Variants in NTN1 observed in about 807,000 individuals in gnomAD.
The protein encoded by NTN1 is netrin-1.
Under a neutral mutation model 54.2 loss-of-function variants are expected in NTN1, and 11 were observed. The observed-to-expected ratio is 0.20, with a 90% confidence interval of 0.13 to 0.34. NTN1 has a LOEUF of 0.34. Among genes scored for constraint, NTN1 ranks in the 10% least tolerant of loss-of-function variants. The probability of loss-of-function intolerance (pLI) is 1.00; values close to 1 mark genes in which losing one functional copy is unlikely to be tolerated. For synonymous variants in NTN1, 371 were observed against 382.0 expected (o/e 0.97, Z 0.33); for missense variants, 740 against 893.1 (o/e 0.83, Z 2.18).
intron 2 of NTN1, among the ~76,000 whole-genome samples, chr17:9,115,708 T>TC (rs906072952): frequency 5.9e-5 from 9 of 152,166 alleles, no homozygotes; most frequent in African/African-American, 2.2e-4. Flanking sequence ...CTCTGACATT[T>TC]CCCGGGGCCG....
chr17:9,005,636 G>C, the NTN1 span, among the ~76,000 whole-genome samples: 1 of 152,160 alleles, frequency 6.6e-6, no homozygotes, highest in Non-Finnish European at 1.5e-5. Context: ...CAGGACCATG[G>C]GCTTTGCTTG....
intron 2 of NTN1, among the ~76,000 whole-genome samples, chr17:9,045,227 CTG>C (rs2091938109): frequency 6.6e-6 from 1 of 152,236 alleles, no homozygotes; most frequent in Non-Finnish European, 1.5e-5. Flanking sequence ...TCACTCCCGT[CTG>C]TACATGAGCA....
chr17:9,213,565 G>A (rs1055656062), intron 5 of NTN1, among the ~76,000 whole-genome samples: 2 of 152,172 alleles, frequency 1.3e-5, no homozygotes, highest in Non-Finnish European at 2.9e-5. Flanking sequence ...CTGATCAATT[G>A]GCCCATATAG....
At chr17:9,227,708 A>ACG (rs1168872812) in intron 6 of NTN1, among the ~76,000 whole-genome samples, 2 of 149,102 alleles carry the variant, frequency 1.3e-5, no homozygotes, top group Non-Finnish European at 3.0e-5. Context: ...CACGTATCAC[A>ACG]CGCACACACA....
At chr17:9,225,262 A>T (rs4791820) in intron 6 of NTN1, among the ~76,000 whole-genome samples, 10,719 of 141,506 alleles carry the variant, frequency 0.076, 915 homozygotes, top group East Asian at 0.45. Context: ...CTCAAAAAAA[A>T]AAATAAATAA....
rs556126614 is a variant in NTN1 at position 9,161,544 on chromosome 17, CT to C, written c.1019-1268del. On this transcript the variant is annotated intron_variant, in intron 2 of 6. Transcript: ENST00000173229. ...GCTATCATCCCAGCACTTTGGGAGG[CT>C]GAGGTGGGAAGGTCACAAGGTCAGG... Among the ~76,000 whole-genome samples the C allele has an allele frequency of 1.3e-3, 200 of 152,242 alleles. 1 individual carries two copies. Among genetic ancestry groups the C allele is most frequent in the African/African-American group, 4.4e-3 (184 of 41,544 alleles).
chr17:9,202,101 T>C (rs1224554088), intron 5 of NTN1, among the ~76,000 whole-genome samples: 8 of 125,404 alleles, frequency 6.4e-5, no homozygotes, highest in South Asian at 2.7e-4. Flanking sequence ...CTTAGCCAGG[T>C]ATGGTGGTAC....
chr17:9,051,562 A>G (rs556830667), intron 2 of NTN1, among the ~76,000 whole-genome samples: 5 of 152,212 alleles, frequency 3.3e-5, no homozygotes, highest in Non-Finnish European at 5.9e-5. Flanking sequence ...TTGAGGTATA[A>G]TTGACAAAAA....
chr17:9,067,700 G>A (rs919039727), intron 2 of NTN1, among the ~76,000 whole-genome samples: 5 of 152,050 alleles, frequency 3.3e-5, no homozygotes, highest in African/African-American at 1.2e-4. Context: ...ATGCCCCATC[G>A]TGTTTATGCT....
chr17:9,083,468 A>AT (rs1380008169), intron 2 of NTN1, among the ~76,000 whole-genome samples: 1 of 152,168 alleles, frequency 6.6e-6, no homozygotes, highest in African/African-American at 2.4e-5. Context: ...AATACACAGC[A>AT]TTTTCCTGGC....
chr17:9,016,340 ACAG>A, the NTN1 span, among the ~76,000 whole-genome samples: 8 of 140,660 alleles, frequency 5.7e-5, no homozygotes, highest in Non-Finnish European at 1.3e-4. Flanking sequence ...ATTCTGCCTC[ACAG>A]CAGAAGTCCC....
intron 2 of NTN1, among the ~76,000 whole-genome samples, chr17:9,084,947 A>T (rs1438343238): frequency 1.3e-5 from 2 of 151,760 alleles, no homozygotes; most frequent in African/African-American, 4.8e-5. Flanking sequence ...ACCGTGCCTG[A>T]CCCCGTTCTT....
chr17:9,183,057 C>A, intron 5 of NTN1, 88 bp downstream of exon 5: 1 of 1,355,722 alleles, frequency 7.4e-7, no homozygotes, highest in Non-Finnish European at 1.1e-6. Context: ...CATTGGAAAG[C>A]CCAGACTCCT....
At chr17:9,183,387 G>A in intron 5 of NTN1, 1 of 478,550 alleles carries the variant, frequency 2.1e-6, no homozygotes, top group South Asian at 1.6e-5. Flanking sequence ...GGGGGCCCAG[G>A]AGCTGGGCGT....
At position 9,023,372 on chromosome 17, in the gene NTN1, C is replaced by G. The variant is rs763078951; in HGVS notation, c.999C>G (p.Arg333=). The G allele has an allele frequency of 1.4e-6, 2 of 1,474,370 alleles. No individual in the cohort carries two copies. The highest frequency in any genetic ancestry group is 2.6e-5 in the South Asian group (2 of 76,674). The allele number at this position is 1,474,370 out of a possible 1,614,324, so 91.3% of individuals were successfully genotyped here. ...YDRPWQRATA[R]EANECVACNC... ...GGCCCTGGCAGCGCGCCACAGCCCGCGAAGCCAACGAGTGCGTGGGTGAGT... is the reference window on the plus strand; with the variant it reads ...GGCCCTGGCAGCGCGCCACAGCCCGGGAAGCCAACGAGTGCGTGGGTGAGT... Residue 333 remains arginine (R), a synonymous_variant, in exon 2 of 7, where the codon CGC becomes CGG. Transcript: ENST00000173229.
rs535405812 is a variant in NTN1 at position 9,170,562 on chromosome 17, G to A, written c.1207+7561G>A. ...AATGCTGTTGCACACTCTCAATAAA[G>A]GATTTCCATGCTTTGGGAGCAAAGA... is the stretch of plus-strand genomic sequence containing the variant. On this transcript the variant is annotated intron_variant, in intron 3 of 6. Transcript: ENST00000173229. 1.8e-3 allele frequency among the ~76,000 whole-genome samples: 278 copies of A among 152,300 alleles called. 1 individual carries two copies. Among genetic ancestry groups the A allele is most frequent in the African/African-American group, 6.5e-3 (272 of 41,560 alleles).
chr17:9,089,837 A>T (rs950542150), intron 2 of NTN1, among the ~76,000 whole-genome samples: 1 of 152,152 alleles, frequency 6.6e-6, no homozygotes. Context: ...GGCTCCTGCT[A>T]CCGACCTCCT....
chr17:9,158,635 C>A (rs938975934), intron 2 of NTN1, among the ~76,000 whole-genome samples: 1 of 152,184 alleles, frequency 6.6e-6, no homozygotes, highest in Non-Finnish European at 1.5e-5. Context: ...CCTGGGCCCC[C>A]CCATTTACTG....
At chr17:9,088,700 G>A (rs1388559853) in intron 2 of NTN1, among the ~76,000 whole-genome samples, 1 of 152,118 alleles carries the variant, frequency 6.6e-6, no homozygotes, top group African/African-American at 2.4e-5. Flanking sequence ...TTCTTTGCAG[G>A]TTTTGGGTTT....
Sources: allele counts gnomAD v4.1 joint callset (sites outside exome capture counted in the v4.1 genomes callset), GRCh38; gene constraint gnomAD v4.1.1; transcripts MANE v1.5; gene names NCBI Gene and HGNC (gene_info 2026-07-23, HGNC 2026-07-21).